Variants in NDUFA10 observed in about 807,000 individuals in gnomAD.
NDUFA10 encodes the protein NADH:ubiquinone oxidoreductase subunit A10.
In NDUFA10, 40 loss-of-function variants were observed where a neutral mutation model predicts 47.8. That is an observed-to-expected ratio of 0.84 (90% CI 0.65 to 1.09). The LOEUF (loss-of-function observed/expected upper bound fraction) is 1.09, where lower values mean the gene tolerates loss of function less well. Among genes scored for constraint, NDUFA10 ranks in the 50% least tolerant of loss-of-function variants. The pLI is 0.00. For synonymous variants in NDUFA10, 183 were observed against 172.2 expected (o/e 1.06, Z -0.49); for missense variants, 413 against 451.1 (o/e 0.92, Z 0.76).
intron 4 of NDUFA10, among the ~76,000 whole-genome samples, chr2:239,907,793 T>C (rs1693682459): frequency 6.6e-6 from 1 of 152,200 alleles, no homozygotes; most frequent in African/African-American, 2.4e-5. Flanking sequence ...TTTTACACTG[T>C]TGGTGGGAGT....
chr2:239,934,155 A>G (rs1293758942), intron 4 of NDUFA10, among the ~76,000 whole-genome samples: 1 of 152,184 alleles, frequency 6.6e-6, no homozygotes, highest in Non-Finnish European at 1.5e-5. Flanking sequence ...CTGGGATTAC[A>G]GGTGTGAGCC....
chr2:239,994,121 G>A (rs940820758), intron 8 of NDUFA10, among the ~76,000 whole-genome samples: 1 of 152,138 alleles, frequency 6.6e-6, no homozygotes, highest in East Asian at 1.9e-4. Context: ...CAGACGCTGT[G>A]TTGACATCTA....
chr2:239,990,147 CT>C lies in NDUFA10; in HGVS notation c.925del (p.Ser309AlafsTer46). 6.2e-7 allele frequency: 1 copy of C among 1,613,940 alleles called. No homozygotes were observed. The highest frequency in any genetic ancestry group is 8.5e-7 in the Non-Finnish European group (1 of 1,179,858). On this transcript the variant is annotated frameshift_variant, in exon 9 of 10. Coordinates refer to ENST00000252711, the MANE Select transcript of NDUFA10 (RefSeq NM_004544.4). LOFTEE classifies it high-confidence loss of function. Reference sequence around the variant, plus strand: ...GACTTCCGGGAGAAAGATAGGAATGCTTGTGTAATTCAGCACCTCAAACTTA... The same window carrying C: ...GACTTCCGGGAGAAAGATAGGAATGCTGTGTAATTCAGCACCTCAAACTTA... ...QDKFEVLNYT[S>X]IPIFLPEVTI...
chr2:240,010,851 A>G (rs961837667), intron 6 of NDUFA10, among the ~76,000 whole-genome samples: 3 of 149,646 alleles, frequency 2.0e-5, no homozygotes, highest in Admixed American at 6.6e-5. Context: ...AAATTGCTAT[A>G]CTTTTGTTTT....
intron 9 of NDUFA10, among the ~76,000 whole-genome samples, chr2:239,969,241 G>A (rs1559332908): frequency 6.6e-6 from 1 of 152,284 alleles, no homozygotes; most frequent in East Asian, 1.9e-4. Context: ...TGTTCAGTAT[G>A]CTCTAAGAAT....
At chr2:239,896,591 T>C (rs987591804) in intron 4 of NDUFA10, among the ~76,000 whole-genome samples, 1 of 152,234 alleles carries the variant, frequency 6.6e-6, no homozygotes, top group African/African-American at 2.4e-5. Flanking sequence ...AATGCCAACT[T>C]GTTTGGCTCC....
At chr2:239,924,979 C>T (rs1694044630) in intron 4 of NDUFA10, among the ~76,000 whole-genome samples, 1 of 152,028 alleles carries the variant, frequency 6.6e-6, no homozygotes, top group African/African-American at 2.4e-5. Context: ...CAAAAAATTA[C>T]CTATGTATAA....
intron 4 of NDUFA10, among the ~76,000 whole-genome samples, chr2:239,933,768 G>T (rs2106374868): frequency 1.3e-5 from 2 of 152,250 alleles, no homozygotes; most frequent in Admixed American, 1.3e-4. Flanking sequence ...TGAAACAGGG[G>T]CACGTCCCAA....
At chr2:240,004,395 A>C (rs985499442) in intron 8 of NDUFA10, among the ~76,000 whole-genome samples, 8 of 152,048 alleles carry the variant, frequency 5.3e-5, no homozygotes, top group African/African-American at 1.9e-4. Context: ...AGCTGAATGG[A>C]TATAAGTCAT....
chr2:239,992,680 G>A lies in NDUFA10; in HGVS notation c.891-2498C>T, dbSNP rs148858595. Among the ~76,000 whole-genome samples, 19 of 152,336 alleles carry A rather than the reference G, an allele frequency of 1.2e-4. No individual in the cohort carries two copies. In the East Asian group the frequency reaches 2.1e-3, roughly 17 times the overall value. ...GAGCTTGCACAGCTGGAGGCCTGACGTGTCCTCGGAGGTCCTGACTGGACT... is the reference window on the plus strand; with the variant it reads ...GAGCTTGCACAGCTGGAGGCCTGACATGTCCTCGGAGGTCCTGACTGGACT... On this transcript the variant is annotated intron_variant, in intron 8 of 9. Transcript: ENST00000252711.
At position 240,016,526 on chromosome 2, in the gene NDUFA10, G is replaced by A. The variant is rs965755354; in HGVS notation, c.548-1666C>T. Among the ~76,000 whole-genome samples, 1 of 152,120 alleles carries A rather than the reference G, an allele frequency of 6.6e-6. No homozygotes were observed. The highest frequency in any genetic ancestry group is 1.5e-5 in the Non-Finnish European group (1 of 68,016). On this transcript the variant is annotated intron_variant, in intron 4 of 9. Transcript: ENST00000252711. This position sits in a 1 kb window ranked among gnomAD's most constrained non-coding sequence, Gnocchi z 4.4. Reference sequence around the variant, plus strand: ...TGGCTAACATCACCAGCCCCCGAAAGGTGAAACGTGACAGTCACTTCTCAG... The same window carrying A: ...TGGCTAACATCACCAGCCCCCGAAAAGTGAAACGTGACAGTCACTTCTCAG...
chr2:240,020,115 G>T (rs1697558623), intron 3 of NDUFA10, among the ~76,000 whole-genome samples: 1 of 152,208 alleles, frequency 6.6e-6, no homozygotes, highest in Admixed American at 6.5e-5. Context: ...CATCCGTGGA[G>T]ACCTGAAGGA....
chr2:239,999,270 A>G (rs532187289), intron 8 of NDUFA10, among the ~76,000 whole-genome samples: 6 of 152,178 alleles, frequency 3.9e-5, no homozygotes, highest in Admixed American at 6.6e-5. Context: ...GACAGGGAAC[A>G]ACGGTGAATG....
At chr2:239,953,022 G>T (rs563328002), downstream of NDUFA10, among the ~76,000 whole-genome samples, 3 of 152,226 alleles carry the variant, frequency 2.0e-5, no homozygotes, top group Non-Finnish European at 2.9e-5. Context: ...CCTTCTTGTC[G>T]GCCCAAGGTG....
chr2:239,914,288 G>GAC (rs1023164391), intron 4 of NDUFA10, among the ~76,000 whole-genome samples: 3 of 144,002 alleles, frequency 2.1e-5, no homozygotes. Flanking sequence ...CACAAATATA[G>GAC]ACACACAGAG....
intron 5 of NDUFA10, among the ~76,000 whole-genome samples, chr2:239,893,834 C>T (rs1227064697): frequency 6.6e-6 from 1 of 152,184 alleles, no homozygotes; most frequent in Non-Finnish European, 1.5e-5. Flanking sequence ...GCTCCACCAT[C>T]CCAGCCTCAC....
chr2:239,985,704 G>A (rs554121812), intron 9 of NDUFA10, among the ~76,000 whole-genome samples: 2 of 152,274 alleles, frequency 1.3e-5, no homozygotes, highest in African/African-American at 4.8e-5. Flanking sequence ...GAGATCAGGA[G>A]TTTGAGACTA....
intron 4 of NDUFA10, among the ~76,000 whole-genome samples, chr2:239,915,094 TACAC>T (rs1693831381): frequency 1.1e-5 from 1 of 90,746 alleles, no homozygotes; most frequent in African/African-American, 4.7e-5. Flanking sequence ...GAGACAGAGA[TACAC>T]AAACATACAC....
In NDUFA10 at chr2:240,025,265, C is replaced by T; in HGVS notation, c.37G>A (p.Ala13Thr). 6.7e-7 allele frequency: 1 copy of T among 1,501,846 alleles called. No homozygotes were observed. The highest frequency in any genetic ancestry group is 2.3e-4 in the Middle Eastern group (1 of 4,284). 93.0% of individuals were successfully genotyped at this position (1,501,846 alleles called of 1,614,324 possible). A position where few individuals can be genotyped will look rare whatever the true frequency, so the allele number is the denominator to read the frequency against. The change falls in exon 1 of 10, where the codon GCG becomes ACG. Residue 13 changes from alanine (A) to threonine (T), a missense_variant. By Grantham distance (58) the Ala-to-Thr change is moderately conservative. Coordinates refer to ENST00000252711, the MANE Select transcript of NDUFA10 (RefSeq NM_004544.4). ...LRLLKLAATS[A>T]SARVVAAGAQ... is the part of the protein sequence containing the mutation. ...CCCGCCGCCACGACCCGGGCGGACG[C>T]GGACGTCGCTGCCAGCTTCAGGAGC... is the stretch of plus-strand genomic sequence containing the variant.
Sources: allele counts gnomAD v4.1 joint callset (sites outside exome capture counted in the v4.1 genomes callset), GRCh38; gene constraint gnomAD v4.1.1; non-coding constraint Gnocchi (gnomAD v3.1); transcripts MANE v1.5; gene names NCBI Gene and HGNC (gene_info 2026-07-23, HGNC 2026-07-21).